Variants in FHIP1A observed in about 807,000 individuals in gnomAD.
FHIP1A encodes the protein FHF complex subunit HOOK interacting protein 1A.
Under a neutral mutation model 88.6 loss-of-function variants are expected in FHIP1A, and 61 were observed. The ratio of observed to expected loss-of-function variants is 0.69; its 90% confidence interval spans 0.56 to 0.85. FHIP1A has a LOEUF of 0.85. FHIP1A is among the 40% of genes least tolerant of loss of function. The pLI is 0.00. For missense variants in FHIP1A, 1,154 were observed against 1,273.5 expected (o/e 0.91, Z 1.43); for synonymous variants, 478 against 496.0 (o/e 0.96, Z 0.48).
intron 2 of FHIP1A, among the ~76,000 whole-genome samples, chr4:151,470,507 A>G (rs897389424): frequency 2.6e-5 from 4 of 152,120 alleles, no homozygotes; most frequent in African/African-American, 9.7e-5. Flanking sequence ...TAAAAAAGGT[A>G]TTAGTGGAGT....
At chr4:151,428,108 A>G (rs974623443) in intron 1 of FHIP1A, among the ~76,000 whole-genome samples, 2 of 152,136 alleles carry the variant, frequency 1.3e-5, no homozygotes, top group African/African-American at 4.8e-5. Flanking sequence ...CAAAGAAGTA[A>G]TGTTTATTCA....
Position 151,499,941 on chromosome 4 carries a change from G to C in FHIP1A, c.-123+17293G>C, listed in dbSNP as rs368552408. Among the ~76,000 whole-genome samples, 4 of 152,302 alleles carry C rather than the reference G, an allele frequency of 2.6e-5. No homozygotes were observed. The East Asian group carries it at 5.8e-4, about 22-fold the overall frequency. On this transcript the variant is annotated intron_variant, in intron 3 of 13. Coordinates refer to ENST00000435205, the MANE Select transcript of FHIP1A (RefSeq NM_001109977.3). ...TACAATTCAAGATAAGATTTGGGTG[G>C]TGACACAGCCAAACCATATGAGTCC...
At chr4:151,598,984 G>C (rs1734756063) in intron 7 of FHIP1A, among the ~76,000 whole-genome samples, 1 of 152,184 alleles carries the variant, frequency 6.6e-6, no homozygotes, top group African/African-American at 2.4e-5. Context: ...CAGCCCCACT[G>C]GGGGAGGTTC....
intron 11 of FHIP1A, among the ~76,000 whole-genome samples, chr4:151,652,962 C>G (rs538625121): frequency 1.3e-5 from 2 of 152,284 alleles, no homozygotes; most frequent in Admixed American, 6.5e-5. Context: ...GTGACTGGAT[C>G]TGAAAAGGCC....
At chr4:151,649,186 C>G (rs541357652) in intron 10 of FHIP1A, among the ~76,000 whole-genome samples, 1 of 152,218 alleles carries the variant, frequency 6.6e-6, no homozygotes, top group East Asian at 1.9e-4. Flanking sequence ...TCTTCTTTCT[C>G]TAATGACTCG....
intron 3 of FHIP1A, among the ~76,000 whole-genome samples, chr4:151,485,653 A>T (rs912888139): frequency 1.3e-5 from 2 of 149,950 alleles, no homozygotes; most frequent in African/African-American, 2.5e-5. Flanking sequence ...GTGCAGTGGC[A>T]CATTCTTGGC....
chr4:151,502,645 T>C (rs1265725618), intron 3 of FHIP1A, among the ~76,000 whole-genome samples: 1 of 152,056 alleles, frequency 6.6e-6, no homozygotes, highest in Non-Finnish European at 1.5e-5. Flanking sequence ...ACCTAAAACA[T>C]GCATTATGGG....
intron 1 of FHIP1A, among the ~76,000 whole-genome samples, chr4:151,420,957 A>G (rs1733138445): frequency 6.6e-6 from 1 of 152,234 alleles, no homozygotes; most frequent in African/African-American, 2.4e-5. Context: ...ACTAGAAATG[A>G]AACTTTTATA....
chr4:151,511,932 A>G (rs903519305), intron 3 of FHIP1A, among the ~76,000 whole-genome samples: 1 of 152,234 alleles, frequency 6.6e-6, no homozygotes, highest in Non-Finnish European at 1.5e-5. Context: ...TGAAGAGAGC[A>G]GTGGTTCTCC....
chr4:151,620,865 TA>T (rs1368515775), intron 7 of FHIP1A, among the ~76,000 whole-genome samples: 2 of 146,226 alleles, frequency 1.4e-5, no homozygotes, highest in African/African-American at 5.0e-5. Flanking sequence ...CCACCCTCCC[TA>T]CACACCGAGA....
In FHIP1A at chr4:151,670,484, TA is replaced by T. The variant is rs1467165726; in HGVS notation, c.*7733del. ...ATATTTCAGTATATATTTTATTGAT[TA>T]AATTTATTGGAAAACTTATTTTTTT... is the stretch of plus-strand genomic sequence containing the variant. On this transcript the variant is annotated 3_prime_UTR_variant, in exon 14 of 14. Coordinates refer to ENST00000435205, the MANE Select transcript of FHIP1A (RefSeq NM_001109977.3). 3 of 152,374 alleles carry T rather than the reference TA, an allele frequency of 2.0e-5. No individual in the cohort carries two copies. The highest frequency in any genetic ancestry group is 7.2e-5 in the African/African-American group (3 of 41,590). The allele number at this position is 152,374 out of a possible 1,614,324, so 9.4% of individuals were successfully genotyped here.
intron 3 of FHIP1A, among the ~76,000 whole-genome samples, chr4:151,517,475 A>T (rs936166291): frequency 1.7e-4 from 26 of 152,268 alleles, no homozygotes; most frequent in Admixed American, 6.5e-4. Context: ...AATTTAAAAA[A>T]ATATATATTC....
intron 1 of FHIP1A, among the ~76,000 whole-genome samples, chr4:151,428,640 A>C (rs1444430301): frequency 6.6e-6 from 1 of 152,092 alleles, no homozygotes; most frequent in South Asian, 2.1e-4. Flanking sequence ...AATCACTGTA[A>C]GGGTAAATAA....
Position 151,596,387 on chromosome 4 carries a change from T to A in FHIP1A, c.978+7461T>A, listed in dbSNP as rs553098855. On this transcript the variant is annotated intron_variant, in intron 7 of 13. Coordinates refer to ENST00000435205, the MANE Select transcript of FHIP1A (RefSeq NM_001109977.3). ...GGCTTGTAGGGTTTCTGCAGAGAGA[T>A]CCCCTGTTAGTCTGATGGGCTTCCC... Among the ~76,000 whole-genome samples, 83 of 152,328 alleles carry A rather than the reference T, an allele frequency of 5.4e-4. 1 individual carries two copies. The South Asian group carries it at 9.7e-3, about 18-fold the overall frequency.
At chr4:151,608,203 C>T (rs1336454409) in intron 7 of FHIP1A, among the ~76,000 whole-genome samples, 1 of 151,496 alleles carries the variant, frequency 6.6e-6, no homozygotes, top group Non-Finnish European at 1.5e-5. Context: ...TGCCACAATG[C>T]CCAGTAAATT....
chr4:151,583,687 C>G (rs1452336762), intron 5 of FHIP1A, among the ~76,000 whole-genome samples: 1 of 152,110 alleles, frequency 6.6e-6, no homozygotes, highest in African/African-American at 2.4e-5. Context: ...AGAATTAAAG[C>G]CTTTGTTCTG....
At chr4:151,575,046 G>A (rs1733734069) in intron 4 of FHIP1A, among the ~76,000 whole-genome samples, 2 of 151,986 alleles carry the variant, frequency 1.3e-5, no homozygotes, top group African/African-American at 4.8e-5. Flanking sequence ...ATTACATATT[G>A]CCATATTGTT....
chr4:151,466,136 C>T (rs112931908), intron 2 of FHIP1A, among the ~76,000 whole-genome samples: 13 of 152,150 alleles, frequency 8.5e-5, no homozygotes, highest in African/African-American at 3.1e-4. Flanking sequence ...AGCAGAGTTT[C>T]AGGATACAAA....
intron 2 of FHIP1A, among the ~76,000 whole-genome samples, chr4:151,475,628 A>G (rs1729670630): frequency 6.6e-6 from 1 of 152,098 alleles, no homozygotes; most frequent in Non-Finnish European, 1.5e-5. Flanking sequence ...GAAGTGGCTG[A>G]AGTAGAGTGA....
Sources: allele counts gnomAD v4.1 joint callset (sites outside exome capture counted in the v4.1 genomes callset), GRCh38; gene constraint gnomAD v4.1.1; transcripts MANE v1.5; gene names NCBI Gene and HGNC (gene_info 2026-07-23, HGNC 2026-07-21).